The following CASZ1 variants were observed in gnomAD, a reference collection of about 807,000 sequenced individuals.
CASZ1 encodes castor zinc finger 1.
CASZ1 carries 28 observed loss-of-function variants against 135.2 expected under a neutral mutation model. The observed-to-expected ratio is 0.21, with a 90% CI of 0.15 to 0.28. CASZ1 has a LOEUF of 0.28. Ranked by LOEUF, CASZ1 falls within the 10% of genes least tolerant of loss-of-function variation. The pLI is 1.00. For synonymous variants in CASZ1, 1,068 were observed against 1,073.4 expected (o/e 0.99, Z 0.10); for missense variants, 2,161 against 2,453.3 (o/e 0.88, Z 2.52).
rs548835187 is a variant in CASZ1, at chr1:10,679,328, C to T, written c.17-13757G>A. Among the ~76,000 whole-genome samples, 14 of 152,298 alleles carry T rather than the reference C, an allele frequency of 9.2e-5. No homozygotes were observed. In the East Asian group the frequency reaches 1.4e-3, roughly 15 times the overall value. On this transcript the variant is annotated intron_variant, in intron 4 of 20. Coordinates refer to ENST00000377022, the MANE Select transcript of CASZ1 (RefSeq NM_001079843.3). The surrounding 1 kb of genome is among the most constrained non-coding windows in gnomAD (Gnocchi z 4.7). ...CATCTGCACCACATGCCCCAGGAAGCGGTCCCTCTCCCAGCAGGCGGAAAC... is the reference window on the plus strand; with the variant it reads ...CATCTGCACCACATGCCCCAGGAAGTGGTCCCTCTCCCAGCAGGCGGAAAC...
chr1:10,757,819 A>G lies in CASZ1; in HGVS notation c.-77+2882T>C, dbSNP rs1312056548. On this transcript the variant is annotated intron_variant, in intron 2 of 20. Transcript: ENST00000377022. The surrounding 1 kb of genome is among the most constrained non-coding windows in gnomAD (Gnocchi z 4.6). Reference sequence around the variant, plus strand: ...AAAACAAAAAACAGAAAACCATCACATCACTTTACCTCTGGCTCAAAACCC... The same window carrying G: ...AAAACAAAAAACAGAAAACCATCACGTCACTTTACCTCTGGCTCAAAACCC... 6.6e-6 allele frequency among the ~76,000 whole-genome samples: 1 copy of G among 152,020 alleles called. No homozygotes were observed. Among genetic ancestry groups the G allele is most frequent in the Non-Finnish European group, 1.5e-5 (1 of 67,984 alleles).
chr1:10,731,064 C>T (rs1476545143), intron 2 of CASZ1, among the ~76,000 whole-genome samples: 11 of 151,808 alleles, frequency 7.2e-5, no homozygotes, highest in Non-Finnish European at 1.5e-5. Context: ...CAACATTTCA[C>T]CACTGCACAC....
Position 10,646,080 on chromosome 1 carries a change from C to A in CASZ1, c.3696+48G>T, listed in dbSNP as rs188706781. The A allele has an allele frequency of 6.3e-7, 1 of 1,586,374 alleles. No individual in the cohort carries two copies. The highest frequency in any genetic ancestry group is 1.3e-5 in the African/African-American group (1 of 74,454). ...TCCTGTGCCCTGAGCTAGCCCTGCA[C>A]CTCCCTGCCCCCTACTCTGCCCCTG... On this transcript the variant is annotated intron_variant, in intron 17 of 20. Transcript: ENST00000377022. This position sits in a 1 kb window ranked among gnomAD's most constrained non-coding sequence, Gnocchi z 6.4.
rs1046485673 is a variant in CASZ1, at chr1:10,777,980, TACAC to T, written c.-233-17127_-233-17124del. Among the ~76,000 whole-genome samples, 1 of 150,872 alleles carries T rather than the reference TACAC, an allele frequency of 6.6e-6. No individual in the cohort carries two copies. The highest frequency in any genetic ancestry group is 6.6e-5 in the Admixed American group (1 of 15,158). On this transcript the variant is annotated intron_variant, in intron 1 of 20. Coordinates refer to ENST00000377022, the MANE Select transcript of CASZ1 (RefSeq NM_001079843.3). This position sits in a 1 kb window ranked among gnomAD's most constrained non-coding sequence, Gnocchi z 4.4. Reference sequence around the variant, plus strand: ...ACATACAATCTCATACGCAATCGCATACACAATCTCATACAGTCTCATATACACT... The same window carrying T: ...ACATACAATCTCATACGCAATCGCATAATCTCATACAGTCTCATATACACT...
Position 10,647,642 on chromosome 1 carries a change from TC to T in CASZ1, c.3497+158del, listed in dbSNP as rs2124673553. Reference sequence around the variant, plus strand: ...AGGCAGTGAGGTAGGAGCAGCAGCATCTTTGGCTAGAAGGACATCACCCGAT... The same window carrying T: ...AGGCAGTGAGGTAGGAGCAGCAGCATTTTGGCTAGAAGGACATCACCCGAT... On this transcript the variant is annotated intron_variant, in intron 16 of 20. Coordinates refer to ENST00000377022, the MANE Select transcript of CASZ1 (RefSeq NM_001079843.3). The surrounding 1 kb of genome is among the most constrained non-coding windows in gnomAD (Gnocchi z 4.9). The T allele has an allele frequency of 1.4e-6, 2 of 1,468,110 alleles. No homozygotes were observed. Among genetic ancestry groups the T allele is most frequent in the African/African-American group, 2.8e-5 (2 of 71,314 alleles). The allele number at this position is 1,468,110 out of a possible 1,614,324, so 90.9% of individuals were successfully genotyped here. A position where few individuals can be genotyped will look rare whatever the true frequency, so the allele number is the denominator to read the frequency against.
chr1:10,756,181 T>G lies in CASZ1; in HGVS notation c.-77+4520A>C, dbSNP rs1384375739. ...GAGCCCCACCACTCCCGCAAGCCGC[T>G]GCCAGCCTGCACTTCTGCTCTCTCC... On this transcript the variant is annotated intron_variant, in intron 2 of 20. Coordinates refer to ENST00000377022, the MANE Select transcript of CASZ1 (RefSeq NM_001079843.3). This position sits in a 1 kb window ranked among gnomAD's most constrained non-coding sequence, Gnocchi z 5.9. Among the ~76,000 whole-genome samples the G allele has an allele frequency of 6.6e-6, 1 of 152,078 alleles. No individual in the cohort carries two copies. The highest frequency in any genetic ancestry group is 1.5e-5 in the Non-Finnish European group (1 of 68,004).
chr1:10,655,909 G>C (rs1257090375), intron 8 of CASZ1, 96 bp from the exon 9 acceptor site: 2 of 1,302,500 alleles, frequency 1.5e-6, no homozygotes, highest in Non-Finnish European at 2.2e-6. Context: ...GCTGGCCTCA[G>C]GTCTCCCTAG....
Position 10,725,311 on chromosome 1 carries a change from C to T in CASZ1, c.-76-19767G>A, listed in dbSNP as rs998390419. Among the ~76,000 whole-genome samples, 3 of 152,246 alleles carry T rather than the reference C, an allele frequency of 2.0e-5. No homozygotes were observed. Among genetic ancestry groups the T allele is most frequent in the Admixed American group, 6.5e-5 (1 of 15,292 alleles). On this transcript the variant is annotated intron_variant, in intron 2 of 20. Transcript: ENST00000377022. The surrounding 1 kb of genome is among the most constrained non-coding windows in gnomAD (Gnocchi z 4.4). ...CAATGCCAACACCGTGGCCGCCTCCCGCTGCATGCGTGTGGCTGTCAGCTG... is the reference window on the plus strand; with the variant it reads ...CAATGCCAACACCGTGGCCGCCTCCTGCTGCATGCGTGTGGCTGTCAGCTG...
chr1:10,774,508 C>G lies in CASZ1; in HGVS notation c.-233-13651G>C, dbSNP rs1437384376. ...GCGGGGCTGGGTTTAGAGTCCTTTGCCTTCTGCACATTCTTTAAGCCCCGT... is the reference window on the plus strand; with the variant it reads ...GCGGGGCTGGGTTTAGAGTCCTTTGGCTTCTGCACATTCTTTAAGCCCCGT... On this transcript the variant is annotated intron_variant, in intron 1 of 20. Coordinates refer to ENST00000377022, the MANE Select transcript of CASZ1 (RefSeq NM_001079843.3). The surrounding 1 kb of genome is among the most constrained non-coding windows in gnomAD (Gnocchi z 4.4). Among the ~76,000 whole-genome samples, 1 of 151,878 alleles carries G rather than the reference C, an allele frequency of 6.6e-6. No individual in the cohort carries two copies. The highest frequency in any genetic ancestry group is 2.4e-5 in the African/African-American group (1 of 41,346).
chr1:10,765,606 G>A (rs1410652029), intron 1 of CASZ1, among the ~76,000 whole-genome samples: 4 of 152,170 alleles, frequency 2.6e-5, no homozygotes, highest in Non-Finnish European at 5.9e-5. Context: ...GATCGGTCCA[G>A]GCTGGCATCT....
intron 2 of CASZ1, among the ~76,000 whole-genome samples, chr1:10,734,956 C>T (rs948825226): frequency 3.9e-5 from 6 of 152,146 alleles, no homozygotes; most frequent in African/African-American, 1.2e-4. Flanking sequence ...CAAGGGCCCA[C>T]CCAGTCCGGC....
rs929626585 is a variant in CASZ1, at chr1:10,714,484, G to A, written c.-76-8940C>T. ...ACTACGCCAGAGCCTTCCAACGACCGGCCCTCCCAGTGCTCCTGGCTCCGG... is the reference window on the plus strand; with the variant it reads ...ACTACGCCAGAGCCTTCCAACGACCAGCCCTCCCAGTGCTCCTGGCTCCGG... On this transcript the variant is annotated intron_variant, in intron 2 of 20. Transcript: ENST00000377022. Among the ~76,000 whole-genome samples the A allele has an allele frequency of 3.3e-5, 5 of 152,160 alleles. No homozygotes were observed. The South Asian group carries it at 6.2e-4, about 19-fold the overall frequency.
At position 10,701,713 on chromosome 1, in the gene CASZ1, T is replaced by C. The variant is rs896415101; in HGVS notation, c.-24+3779A>G. 3.3e-5 allele frequency among the ~76,000 whole-genome samples: 5 copies of C among 152,182 alleles called. No homozygotes were observed. The highest frequency in any genetic ancestry group is 1.2e-4 in the African/African-American group (5 of 41,454). On this transcript the variant is annotated intron_variant, in intron 3 of 20. Transcript: ENST00000377022. The surrounding 1 kb of genome is among the most constrained non-coding windows in gnomAD (Gnocchi z 6.3). ...ATGAAGACTCGGCCGATCAGGCTGC[T>C]GGTTTGAGGGCTGGCAGCCTTGGCC...
intron 15 of CASZ1, chr1:10,648,672 T>G (rs990167882): frequency 2.3e-5 from 5 of 215,340 alleles, no homozygotes; most frequent in Non-Finnish European, 3.7e-5. Context: ...AGGTCAAAGG[T>G]AACCTAGAGA....
intron 1 of CASZ1, among the ~76,000 whole-genome samples, chr1:10,792,688 C>A (rs758596892): frequency 6.9e-6 from 1 of 144,636 alleles, no homozygotes; most frequent in Non-Finnish European, 1.5e-5. Context: ...CGCCTCCCCA[C>A]GCCCCCACCC....
At position 10,694,608 on chromosome 1, in the gene CASZ1, GCCGCCGCCGCCGCCCGGTGCGCCCGC is replaced by G. The variant is rs1254325462; in HGVS notation, c.-23-722_-23-697del. 7.1e-6 allele frequency: 1 copy of G among 141,268 alleles called. No homozygotes were observed. The highest frequency in any genetic ancestry group is 1.5e-5 in the Non-Finnish European group (1 of 65,972). The allele number at this position is 141,268 out of a possible 1,614,324, so 8.8% of individuals were successfully genotyped here. A position where few individuals can be genotyped will look rare whatever the true frequency, so the allele number is the denominator to read the frequency against. On this transcript the variant is annotated intron_variant, in intron 3 of 20. Coordinates refer to ENST00000377022, the MANE Select transcript of CASZ1 (RefSeq NM_001079843.3). This position sits in a 1 kb window ranked among gnomAD's most constrained non-coding sequence, Gnocchi z 6.6. ...CCCCGCCGCCGCCGCCGCCGCCGCC[GCCGCCGCCGCCGCCCGGTGCGCCCGC>G]CCGCCGCCCGCCGCCCGGTGCCGGA...
chr1:10,755,639 CA>C lies in CASZ1; in HGVS notation c.-77+5061del. Among the ~76,000 whole-genome samples, 1 of 152,134 alleles carries C rather than the reference CA, an allele frequency of 6.6e-6. No individual in the cohort carries two copies. On this transcript the variant is annotated intron_variant, in intron 2 of 20. Coordinates refer to ENST00000377022, the MANE Select transcript of CASZ1 (RefSeq NM_001079843.3). This position sits in a 1 kb window ranked among gnomAD's most constrained non-coding sequence, Gnocchi z 4.3. ...GGTTTTCCTGCATCTGCTCCGAAGG[CA>C]GGGGGTGTGGGGAGAACGGAGGAAG...
intron 1 of CASZ1, among the ~76,000 whole-genome samples, chr1:10,766,451 G>A (rs1051785094): frequency 7.2e-5 from 11 of 152,192 alleles, no homozygotes; most frequent in South Asian, 2.1e-4. Context: ...GGCTTCTTAC[G>A]TGTAACATGC....
At position 10,697,968 on chromosome 1, in the gene CASZ1, C is replaced by T. The variant is rs531660793; in HGVS notation, c.-23-4056G>A. Reference sequence around the variant, plus strand: ...GCGAAGTGGACGGGAAGCATGGGGGCCGAGGGAGGGCAGAGCCAAGGCACC... The same window carrying T: ...GCGAAGTGGACGGGAAGCATGGGGGTCGAGGGAGGGCAGAGCCAAGGCACC... On this transcript the variant is annotated intron_variant, in intron 3 of 20. Coordinates refer to ENST00000377022, the MANE Select transcript of CASZ1 (RefSeq NM_001079843.3). This position sits in a 1 kb window ranked among gnomAD's most constrained non-coding sequence, Gnocchi z 4.7. 5.3e-5 allele frequency among the ~76,000 whole-genome samples: 8 copies of T among 152,310 alleles called. No homozygotes were observed. In the South Asian group the frequency reaches 1.7e-3, roughly 32 times the overall value.
Sources: allele counts gnomAD v4.1 joint callset (sites outside exome capture counted in the v4.1 genomes callset), GRCh38; gene constraint gnomAD v4.1.1; non-coding constraint Gnocchi (gnomAD v3.1); transcripts MANE v1.5; gene names NCBI Gene and HGNC (gene_info 2026-07-23, HGNC 2026-07-21).